MTA1: variants seen among roughly 807,000 people sequenced by gnomAD.
MTA1 encodes metastasis associated 1.
A neutral mutation model predicts 97.0 loss-of-function variants in MTA1; 15 were observed. The ratio of observed to expected loss-of-function variants is 0.15; its 90% CI spans 0.10 to 0.24. The LOEUF is 0.24. Among genes scored for constraint, MTA1 ranks in the 10% least tolerant of loss-of-function variants. The pLI is 1.00. For synonymous variants in MTA1, 435 were observed against 417.5 expected, an observed-to-expected ratio of 1.04 and a Z score of -0.51; for missense variants, 709 against 1,015.1, an observed-to-expected ratio of 0.70 and a Z score of 4.10.
chr14:105,451,775 CTTTTTTTGTTTTTTTTTTTTTT>C (rs2082944129), intron 6 of MTA1, among the ~76,000 whole-genome samples: 1 of 118,268 alleles, frequency 8.5e-6, no homozygotes, highest in Non-Finnish European at 1.7e-5. Flanking sequence ...TTTTCTTTTT[CTTTTTTTGTTTTTTTTTTTTTT>C]TTTTTTTTTT....
At chr14:105,451,131 G>A (rs587734119) in intron 6 of MTA1, among the ~76,000 whole-genome samples, 1 of 152,340 alleles carries the variant, frequency 6.6e-6, no homozygotes, top group African/African-American at 2.4e-5. Flanking sequence ...GTTGCTGGAT[G>A]CGGCCCCCAC....
chr14:105,428,183 T>C (rs1342575436), intron 1 of MTA1, among the ~76,000 whole-genome samples: 1 of 152,176 alleles, frequency 6.6e-6, no homozygotes, highest in African/African-American at 2.4e-5. Flanking sequence ...CAGCCCCCTC[T>C]TCTCCCCCAG....
intron 1 of MTA1, among the ~76,000 whole-genome samples, chr14:105,431,370 C>A (rs2082174054): frequency 6.6e-6 from 1 of 152,120 alleles, no homozygotes; most frequent in Non-Finnish European, 1.5e-5. Flanking sequence ...AGCCTACAAG[C>A]TGGTTATTAA....
rs1567047656 is a variant in MTA1 at position 105,466,611 on chromosome 14, CT to C, written c.1777+34del. The stretch of plus-strand genomic sequence containing the variant: ...GCCCCCCCGCCCGGTGAGTGTGGCC[CT>C]CCCCGCCCGGTGAGTCCGGCCCGTC... On this transcript the variant is annotated intron_variant, in intron 17 of 20. Transcript: ENST00000331320. 4 of 1,567,576 alleles carry C rather than the reference CT, an allele frequency of 2.6e-6. No homozygotes were observed. In the East Asian group the frequency reaches 9.4e-5, roughly 37 times the overall value.
chr14:105,431,433 C>T (rs1470104353), intron 1 of MTA1, among the ~76,000 whole-genome samples: 1 of 152,154 alleles, frequency 6.6e-6, no homozygotes, highest in Non-Finnish European at 1.5e-5. Context: ...ATAGAAGCCA[C>T]AAGTAACCAA....
intron 7 of MTA1, 84 bp from the exon 8 acceptor site, chr14:105,458,186 C>A (rs1182867204): frequency 6.0e-6 from 7 of 1,174,628 alleles, no homozygotes; most frequent in South Asian, 1.3e-5. Context: ...CCCGTCCCAG[C>A]AGCTCCCCGC....
chr14:105,453,012 TG>T (rs1382340564), intron 6 of MTA1, among the ~76,000 whole-genome samples: 19 of 152,254 alleles, frequency 1.2e-4, no homozygotes, highest in Admixed American at 1.2e-3. Flanking sequence ...GTGCTCAGGC[TG>T]GGACTCCAGG....
chr14:105,449,233 G>T, intron 3 of MTA1, 126 bp from the exon 4 acceptor site: 4 of 891,230 alleles, frequency 4.5e-6, no homozygotes, highest in Non-Finnish European at 6.6e-6. Context: ...CGCCCCACCG[G>T]GAGGCCTGCG....
At position 105,424,470 on chromosome 14, in the gene MTA1, G is replaced by A. The variant is rs2081949766; in HGVS notation, c.28+4407G>A. Among the ~76,000 whole-genome samples the A allele has an allele frequency of 1.3e-5, 2 of 151,526 alleles. No individual in the cohort carries two copies. The highest frequency in any genetic ancestry group is 4.9e-5 in the African/African-American group (2 of 41,168). On this transcript the variant is annotated intron_variant, in intron 1 of 20. Coordinates refer to ENST00000331320, the MANE Select transcript of MTA1 (RefSeq NM_004689.4). This position sits in a 1 kb window ranked among gnomAD's most constrained non-coding sequence, Gnocchi z 4.0. ...CCCGCCTCAGCCTCTCAAAGTATTG[G>A]GATTACAGGCGTGAGCCACTGCGTC...
intron 2 of MTA1, 38 bp downstream of exon 2, chr14:105,438,777 G>A: frequency 1.9e-6 from 3 of 1,605,752 alleles, no homozygotes; most frequent in Non-Finnish European, 2.6e-6. Context: ...GGGGGGTAGT[G>A]GGTGGGGGCT....
chr14:105,444,248 G>C (rs1201531135), intron 2 of MTA1, among the ~76,000 whole-genome samples: 1 of 151,888 alleles, frequency 6.6e-6, no homozygotes, highest in East Asian at 1.9e-4. Context: ...GGTGGTGGGC[G>C]CCTGTAGTCC....
Position 105,460,816 on chromosome 14 carries a change from A to C in MTA1, c.805A>C (p.Ile269Leu). 6.2e-7 allele frequency: 1 copy of C among 1,610,782 alleles called. No individual in the cohort carries two copies. Among genetic ancestry groups the C allele is most frequent in the Non-Finnish European group, 8.5e-7 (1 of 1,178,766 alleles). The change falls in exon 10 of 21, where the codon ATC becomes CTC. Residue 269 changes from isoleucine (I) to leucine (L), a missense_variant. Ile to Leu is a conservative substitution (Grantham distance 5). Around this residue, in one of 2 missense-constraint regions of MTA1, gnomAD observed 321 missense variants for 593.5 expected, o/e 0.54. Transcript: ENST00000331320. ...GAACATCTACGACATCTCCAAGGCC[A>C]TCTCGGCGCTGGTGCCGCAGGGCGG... ...HKNIYDISKA[I>L]SALVPQGGPV...
intron 19 of MTA1, 161 bp downstream of exon 19, chr14:105,469,659 G>A (rs1595437650): frequency 8.3e-7 from 1 of 1,202,300 alleles, no homozygotes; most frequent in Admixed American, 2.2e-5. Flanking sequence ...TGGCCCCTGT[G>A]CCAGGCCCAG....
intron 1 of MTA1, among the ~76,000 whole-genome samples, chr14:105,421,571 C>G (rs1416933052): frequency 6.6e-6 from 1 of 152,232 alleles, no homozygotes; most frequent in South Asian, 2.1e-4. Context: ...GACCCCAACT[C>G]ATGCCTTCCT....
chr14:105,444,675 C>T (rs1370191945), intron 2 of MTA1, among the ~76,000 whole-genome samples: 8 of 151,442 alleles, frequency 5.3e-5, no homozygotes, highest in Non-Finnish European at 1.0e-4. Flanking sequence ...CTTGTAATCT[C>T]AGCTACCTGG....
intron 3 of MTA1, among the ~76,000 whole-genome samples, chr14:105,446,698 C>T (rs1555427254): frequency 6.6e-6 from 1 of 152,226 alleles, no homozygotes; most frequent in Non-Finnish European, 1.5e-5. Context: ...ACTGCCTTGC[C>T]CACCGGACAG....
intron 1 of MTA1, among the ~76,000 whole-genome samples, chr14:105,427,217 C>A (rs936349868): frequency 1.3e-5 from 2 of 152,262 alleles, no homozygotes; most frequent in Non-Finnish European, 1.5e-5. Context: ...CGGGCACGCA[C>A]AGGCTGCTAA....
At chr14:105,445,611 C>T (rs2082691225) in intron 3 of MTA1, 100 bp downstream of exon 3, 26 of 1,211,290 alleles carry the variant, frequency 2.1e-5, no homozygotes, top group African/African-American at 3.0e-5. Flanking sequence ...ATCCTGGCCT[C>T]GTGGGGCCAC....
chr14:105,445,508 G>A lies in MTA1; in HGVS notation c.187G>A (p.Ala63Thr), dbSNP rs782391905. The A allele has an allele frequency of 4.3e-6, 7 of 1,613,216 alleles. No homozygotes were observed. Among genetic ancestry groups the A allele is most frequent in the South Asian group, 2.2e-5 (2 of 91,064 alleles). ...CCTCATCGCCCTGGCCGACAAGCAC[G>A]CAAGTGAGTCCGGCCTTCCCTGGGG... Reference protein sequence around the residue: ...STLIALADKHATLSVCYKAGP... With the variant: ...STLIALADKHTTLSVCYKAGP... Residue 63 changes from alanine to threonine, a missense_variant, in exon 3 of 21, where the codon GCA becomes ACA. Ala to Thr is a moderately conservative substitution (Grantham distance 58, BLOSUM62 0). Coordinates refer to ENST00000331320, the MANE Select transcript of MTA1 (RefSeq NM_004689.4).
Sources: allele counts gnomAD v4.1 joint callset (sites outside exome capture counted in the v4.1 genomes callset), GRCh38; gene constraint gnomAD v4.1.1; regional missense constraint gnomAD v4.1.1; non-coding constraint Gnocchi (gnomAD v3.1); transcripts MANE v1.5; gene names NCBI Gene and HGNC (gene_info 2026-07-23, HGNC 2026-07-21).